Variants in LRP1B observed in about 807,000 individuals in gnomAD.
LRP1B encodes low-density lipoprotein receptor-related protein 1B.
Under a neutral mutation model 556.6 loss-of-function variants are expected in LRP1B, and 217 were observed. The observed-to-expected ratio is 0.39, with a 90% confidence interval of 0.35 to 0.44. The LOEUF is 0.44. LRP1B is among the 20% of genes least tolerant of loss of function. The pLI is 1.00. For missense variants in LRP1B, 5,053 were observed against 5,620.8 expected, an observed-to-expected ratio of 0.90 and a Z score of 3.23; for synonymous variants, 2,047 against 1,865.8, an observed-to-expected ratio of 1.10 and a Z score of -2.50.
At chr2:141,741,478 T>G (rs1406483046) in intron 2 of LRP1B, among the ~76,000 whole-genome samples, 1 of 148,480 alleles carries the variant, frequency 6.7e-6, no homozygotes, top group Non-Finnish European at 1.5e-5. Context: ...GCCTGTCTTT[T>G]GCATAAAATG....
intron 1 of LRP1B, among the ~76,000 whole-genome samples, chr2:141,867,116 A>G (rs1046243598): frequency 6.6e-6 from 1 of 152,212 alleles, no homozygotes; most frequent in African/African-American, 2.4e-5. Context: ...AAAGGAAATA[A>G]TAAAGAATGT....
intron 1 of LRP1B, among the ~76,000 whole-genome samples, chr2:141,909,199 A>G (rs1013222105): frequency 2.6e-5 from 4 of 152,116 alleles, no homozygotes; most frequent in Non-Finnish European, 4.4e-5. Context: ...GCTAAAAGCC[A>G]GCAGTAAATG....
At chr2:141,024,837 T>C (rs1486498138) in intron 11 of LRP1B, among the ~76,000 whole-genome samples, 2 of 152,030 alleles carry the variant, frequency 1.3e-5, no homozygotes, top group Non-Finnish European at 2.9e-5. Context: ...TCCATATGGA[T>C]GCTTTCATAT....
At chr2:142,123,972 A>T (rs1444632886) in intron 1 of LRP1B, among the ~76,000 whole-genome samples, 1 of 151,968 alleles carries the variant, frequency 6.6e-6, no homozygotes, top group African/African-American at 2.4e-5. Flanking sequence ...AGAAATCCCA[A>T]ATGTAGACAA....
At chr2:140,843,060 T>G (rs796255505) in intron 29 of LRP1B, among the ~76,000 whole-genome samples, 18 of 21,682 alleles carry the variant, frequency 8.3e-4, no homozygotes, top group African/African-American at 1.9e-3. Flanking sequence ...AAAGTGGTTT[T>G]TTTTTTGTTT....
chr2:140,944,054 C>G (rs145886764), intron 20 of LRP1B, among the ~76,000 whole-genome samples: 373 of 152,064 alleles, frequency 2.5e-3, no homozygotes, highest in African/African-American at 8.5e-3. Flanking sequence ...GAGAGAAGAT[C>G]CAAATAAGCA....
chr2:141,229,561 T>A, intron 5 of LRP1B, 121 bp from the exon 6 acceptor site: 1 of 782,222 alleles, frequency 1.3e-6, no homozygotes, highest in Non-Finnish European at 2.0e-6. Flanking sequence ...AAAATTTTCT[T>A]ATAAAAAAAC....
intron 20 of LRP1B, among the ~76,000 whole-genome samples, chr2:140,933,062 T>C (rs1337508656): frequency 6.7e-6 from 1 of 148,554 alleles, no homozygotes; most frequent in East Asian, 1.9e-4. Context: ...ATCAAAGTTA[T>C]TCATAAAAAG....
intron 2 of LRP1B, among the ~76,000 whole-genome samples, chr2:141,590,027 G>A (rs554335454): frequency 6.6e-6 from 1 of 152,152 alleles, no homozygotes; most frequent in African/African-American, 2.4e-5. Flanking sequence ...TCATCAAAAT[G>A]TCTGTTTTGA....
intron 5 of LRP1B, among the ~76,000 whole-genome samples, chr2:141,237,328 A>G (rs1335906943): frequency 1.4e-5 from 2 of 144,396 alleles, no homozygotes; most frequent in Non-Finnish European, 3.1e-5. Flanking sequence ...TGTGTTTTTT[A>G]TCTTGTTTTG....
At chr2:141,709,750 A>G (rs765362962) in intron 2 of LRP1B, among the ~76,000 whole-genome samples, 2 of 152,182 alleles carry the variant, frequency 1.3e-5, no homozygotes, top group Non-Finnish European at 2.9e-5. Flanking sequence ...TAAGGGCTAG[A>G]AGGTGAATTC....
chr2:141,977,511 G>A (rs1448844337), intron 1 of LRP1B, among the ~76,000 whole-genome samples: 16 of 152,080 alleles, frequency 1.1e-4, no homozygotes, highest in South Asian at 6.2e-4. Flanking sequence ...GCAGTGAGCC[G>A]AGATCATGCC....
intron 31 of LRP1B, among the ~76,000 whole-genome samples, chr2:140,830,679 C>T (rs1438457604): frequency 2.6e-5 from 4 of 152,048 alleles, no homozygotes; most frequent in Admixed American, 1.3e-4. Context: ...AGCTTTTCCT[C>T]TAAGTTCTGG....
intron 3 of LRP1B, among the ~76,000 whole-genome samples, chr2:141,422,517 TAACA>T (rs894175949): frequency 6.6e-6 from 1 of 152,222 alleles, no homozygotes; most frequent in Non-Finnish European, 1.5e-5. Flanking sequence ...ATTTTTTGTT[TAACA>T]AATAGTTATA....
chr2:141,632,672 C>T (rs1688954761), intron 2 of LRP1B, among the ~76,000 whole-genome samples: 1 of 151,740 alleles, frequency 6.6e-6, no homozygotes, highest in African/African-American at 2.4e-5. Flanking sequence ...TTTTATAATT[C>T]AACATAATAC....
At chr2:142,037,680 T>G (rs959236331) in intron 1 of LRP1B, among the ~76,000 whole-genome samples, 1 of 151,684 alleles carries the variant, frequency 6.6e-6, no homozygotes, top group Admixed American at 6.6e-5. Context: ...CTGCATTGTT[T>G]GTGACTTTAA....
At chr2:141,865,500 G>A (rs1329211935) in intron 1 of LRP1B, among the ~76,000 whole-genome samples, 1 of 146,664 alleles carries the variant, frequency 6.8e-6, no homozygotes, top group African/African-American at 2.5e-5. Context: ...GCTGAGGCAG[G>A]AGAATGGCGT....
At chr2:140,957,654 A>T (rs533175938) in intron 18 of LRP1B, among the ~76,000 whole-genome samples, 1 of 151,744 alleles carries the variant, frequency 6.6e-6, no homozygotes, top group African/African-American at 2.4e-5. Flanking sequence ...TAAAAACTAG[A>T]ATTGTGAGTG....
chr2:140,971,463 A>G (rs1173948624), intron 18 of LRP1B, among the ~76,000 whole-genome samples: 1 of 152,210 alleles, frequency 6.6e-6, no homozygotes, highest in Non-Finnish European at 1.5e-5. Context: ...CATTTGCAAC[A>G]ATTTCTTGTG....
Sources: gnomAD v4.1 joint callset for allele counts (sites outside exome capture counted in the v4.1 genomes callset) on GRCh38, gnomAD v4.1.1 for gene constraint, MANE v1.5 for transcripts, NCBI Gene and HGNC (gene_info 2026-07-23, HGNC 2026-07-21) for gene names.